MAP2K6: variants seen among roughly 807,000 people sequenced by gnomAD.
The protein encoded by MAP2K6 is dual specificity mitogen-activated protein kinase kinase 6.
Under a neutral mutation model 53.7 loss-of-function variants are expected in MAP2K6, and 16 were observed. The observed-to-expected ratio is 0.30, with a 90% CI of 0.20 to 0.45. The LOEUF (loss-of-function observed/expected upper bound fraction) is 0.45. MAP2K6 is among the 20% of genes least tolerant of loss of function. The probability of loss-of-function intolerance (pLI) is 1.00; values close to 1 mark genes in which losing one functional copy is unlikely to be tolerated. For missense variants in MAP2K6, 204 were observed against 411.9 expected, an observed-to-expected ratio of 0.50 and a Z score of 4.37; for synonymous variants, 132 against 143.1, an observed-to-expected ratio of 0.92 and a Z score of 0.55.
At chr17:69,442,087 C>T (rs916165096) in intron 1 of MAP2K6, among the ~76,000 whole-genome samples, 2 of 152,158 alleles carry the variant, frequency 1.3e-5, no homozygotes, top group African/African-American at 4.8e-5. Flanking sequence ...TAACTTTCTT[C>T]TGGACATTTT....
intron 10 of MAP2K6, among the ~76,000 whole-genome samples, chr17:69,531,887 G>A (rs1478095492): frequency 2.6e-5 from 4 of 152,146 alleles, no homozygotes; most frequent in Non-Finnish European, 5.9e-5. Flanking sequence ...GAGAAGTCTT[G>A]CTTTCTAGTC....
intron 1 of MAP2K6, among the ~76,000 whole-genome samples, chr17:69,471,244 A>G (rs1037510902): frequency 6.6e-6 from 1 of 152,314 alleles, no homozygotes; most frequent in African/African-American, 2.4e-5. Flanking sequence ...CAAAATGTCA[A>G]CTTTACAAAG....
intron 1 of MAP2K6, among the ~76,000 whole-genome samples, chr17:69,491,301 G>A (rs1027150398): frequency 6.1e-4 from 93 of 151,980 alleles, no homozygotes; most frequent in African/African-American, 2.0e-3. Context: ...GTGCCACCAC[G>A]CCCGGCTAAT....
intron 1 of MAP2K6, among the ~76,000 whole-genome samples, chr17:69,442,453 CA>C (rs1014162387): frequency 6.6e-6 from 1 of 152,130 alleles, no homozygotes; most frequent in African/African-American, 2.4e-5. Context: ...ATAACTATCA[CA>C]AAAAAATGCA....
intron 1 of MAP2K6, among the ~76,000 whole-genome samples, chr17:69,448,646 G>C (rs1407747994): frequency 6.6e-6 from 1 of 151,882 alleles, no homozygotes; most frequent in Non-Finnish European, 1.5e-5. Context: ...ACCCCCTGTG[G>C]CTCACTCTTT....
chr17:69,502,260 T>C (rs1598293734), intron 1 of MAP2K6: 2 of 985,298 alleles, frequency 2.0e-6, no homozygotes, highest in East Asian at 2.3e-4. Context: ...TGGAGTCTGT[T>C]CAGTTCTGTT....
intron 2 of MAP2K6, among the ~76,000 whole-genome samples, chr17:69,506,747 C>T (rs1364102288): frequency 3.3e-5 from 5 of 152,268 alleles, no homozygotes; most frequent in Non-Finnish European, 7.4e-5. Flanking sequence ...TTTGTTAAAG[C>T]CACTGGTCCT....
At chr17:69,515,656 T>C (rs1051907978) in intron 2 of MAP2K6, among the ~76,000 whole-genome samples, 1 of 152,180 alleles carries the variant, frequency 6.6e-6, no homozygotes, top group Non-Finnish European at 1.5e-5. Context: ...CTCTGGCTCT[T>C]AAGAAGACCC....
intron 10 of MAP2K6, among the ~76,000 whole-genome samples, chr17:69,529,852 C>T (rs72855601): frequency 0.031 from 4,738 of 152,112 alleles, 201 homozygotes; most frequent in African/African-American, 0.095. Context: ...TATGGAAGTT[C>T]CAGATACCGG....
intron 4 of MAP2K6, 92 bp downstream of exon 4, chr17:69,517,705 C>A: frequency 1.4e-6 from 1 of 727,992 alleles, no homozygotes; most frequent in Non-Finnish European, 2.1e-6. Context: ...AGAAGCAAAA[C>A]CATCTTCCGT....
At chr17:69,470,742 G>A (rs1907958596) in intron 1 of MAP2K6, among the ~76,000 whole-genome samples, 1 of 152,118 alleles carries the variant, frequency 6.6e-6, no homozygotes, top group African/African-American at 2.4e-5. Context: ...TTGTTTCCTG[G>A]TGCTGTCTGC....
At position 69,505,799 on chromosome 17, in the gene MAP2K6, C is replaced by A. The variant is rs1212219210; in HGVS notation, c.36C>A (p.Gly12=). 1.2e-5 allele frequency: 20 copies of A among 1,613,770 alleles called. No homozygotes were observed. Among genetic ancestry groups the A allele is most frequent in the Non-Finnish European group, 1.7e-5 (20 of 1,179,818 alleles). ...SQSKGKKRNP[G]LKIPKEAFEQ... is the part of the protein sequence containing the mutation. The stretch of plus-strand genomic sequence containing the variant: ...CCATAGGCAAGAAGCGAAACCCTGG[C>A]CTTAAAATTCCAAAAGAAGCATTTG... Residue 12 remains glycine (G), a synonymous_variant, in exon 2 of 12, where the codon GGC becomes GGA. Transcript: ENST00000590474.
intron 1 of MAP2K6, chr17:69,434,999 G>A (rs948675995): frequency 6.6e-6 from 1 of 152,200 alleles, no homozygotes; most frequent in South Asian, 2.1e-4. Context: ...GTGAATGCTA[G>A]CAGATGAAAT....
intron 2 of MAP2K6, among the ~76,000 whole-genome samples, chr17:69,510,548 T>C (rs1439936671): frequency 6.6e-6 from 1 of 152,204 alleles, no homozygotes; most frequent in East Asian, 1.9e-4. Flanking sequence ...ATTATTTGGA[T>C]GTTTGCTAAA....
At chr17:69,526,245 A>G (rs1567855478) in intron 9 of MAP2K6, among the ~76,000 whole-genome samples, 1 of 152,216 alleles carries the variant, frequency 6.6e-6, no homozygotes, top group South Asian at 2.1e-4. Context: ...AACGTTTGAA[A>G]TCCTCGTAGC....
intron 7 of MAP2K6, among the ~76,000 whole-genome samples, chr17:69,522,738 C>T (rs1337267606): frequency 7.9e-5 from 12 of 152,008 alleles, no homozygotes; most frequent in Non-Finnish European, 5.9e-5. Flanking sequence ...TCTGACACAT[C>T]GCTAGCAGAG....
chr17:69,503,595 G>C (rs1238259026), intron 1 of MAP2K6, among the ~76,000 whole-genome samples: 1 of 152,026 alleles, frequency 6.6e-6, no homozygotes, highest in Non-Finnish European at 1.5e-5. Context: ...TTTTTTCCTG[G>C]CTATATACAA....
Position 69,544,063 on chromosome 17 carries a change from G to A in MAP2K6, c.*2310G>A, listed in dbSNP as rs1911780357. ...TTCATGTGATTCTGATGTGAAGCTG[G>A]GTTCAGAACACTTATCTAGTACCTT... On this transcript the variant is annotated 3_prime_UTR_variant, in exon 12 of 12. Transcript: ENST00000590474. The A allele has an allele frequency of 6.6e-6, 1 of 151,980 alleles. No individual in the cohort carries two copies. The highest frequency in any genetic ancestry group is 6.6e-5 in the Admixed American group (1 of 15,264). The allele number at this position is 151,980 out of a possible 1,614,324, so 9.4% of individuals were successfully genotyped here.
At position 69,444,771 on chromosome 17, in the gene MAP2K6, A is replaced by G. The variant is rs1001080036; in HGVS notation, c.16+29771A>G. On this transcript the variant is annotated intron_variant, in intron 1 of 11. Transcript: ENST00000590474. ...AAGGGATAGCAGACTCTGCCTCAAGAGGTGGAAGAGTCACCAAACATAAAA... is the reference window on the plus strand; with the variant it reads ...AAGGGATAGCAGACTCTGCCTCAAGGGGTGGAAGAGTCACCAAACATAAAA... Among the ~76,000 whole-genome samples, 3 of 152,188 alleles carry G rather than the reference A, an allele frequency of 2.0e-5. No individual in the cohort carries two copies. The East Asian group carries it at 5.8e-4, about 29-fold the overall frequency.
Sources: gnomAD v4.1 joint callset for allele counts (sites outside exome capture counted in the v4.1 genomes callset) on GRCh38, gnomAD v4.1.1 for gene constraint, MANE v1.5 for transcripts, NCBI Gene and HGNC (gene_info 2026-07-23, HGNC 2026-07-21) for gene names.